TBPL1: variants seen among roughly 807,000 people sequenced by gnomAD.
The protein encoded by TBPL1 is TATA-box binding protein like 1.
In TBPL1, 4 loss-of-function variants were observed where a neutral mutation model predicts 22.1. That is an observed-to-expected ratio of 0.18 (90% confidence interval 0.09 to 0.41). The LOEUF (loss-of-function observed/expected upper bound fraction) is 0.41. Among genes scored for constraint, TBPL1 ranks in the 10% least tolerant of loss-of-function variants. The pLI is 1.00. For missense variants in TBPL1, 115 were observed against 222.3 expected (o/e 0.52, Z 3.07); for synonymous variants, 64 against 71.0 (o/e 0.90, Z 0.50).
intron 1 of TBPL1, among the ~76,000 whole-genome samples, chr6:133,977,098 C>A (rs1377601402): frequency 6.6e-6 from 1 of 152,076 alleles, no homozygotes; most frequent in Non-Finnish European, 1.5e-5. Context: ...ATATCCAGTT[C>A]TGTGCTCTCG....
At chr6:133,980,364 C>T (rs1300900039) in intron 2 of TBPL1, 104 bp downstream of exon 2, 5 of 1,275,652 alleles carry the variant, frequency 3.9e-6, no homozygotes, top group Admixed American at 2.8e-5. Flanking sequence ...GAGCACCTTA[C>T]CATGTGCTGG....
At chr6:133,956,941 A>G (rs1775937660) in intron 1 of TBPL1, among the ~76,000 whole-genome samples, 1 of 152,130 alleles carries the variant, frequency 6.6e-6, no homozygotes, top group Admixed American at 6.5e-5. Context: ...GACAAATTTG[A>G]TTTTTGTATT....
intron 1 of TBPL1, among the ~76,000 whole-genome samples, chr6:133,979,727 A>C (rs1038961091): frequency 1.3e-5 from 2 of 151,720 alleles, no homozygotes; most frequent in Non-Finnish European, 2.9e-5. Flanking sequence ...GCTCACTGCA[A>C]CCTCCGCCTC....
rs1464488061 is a variant in TBPL1 at position 133,987,234 on chromosome 6, CATG to C, written c.*197_*199del. The C allele has an allele frequency of 2.0e-5, 8 of 402,104 alleles. No homozygotes were observed. The highest frequency in any genetic ancestry group is 1.7e-4 in the African/African-American group (8 of 48,262). 24.9% of individuals were successfully genotyped at this position (402,104 alleles called of 1,614,324 possible). A position where few individuals can be genotyped will look rare whatever the true frequency, so the allele number is the denominator to read the frequency against. On this transcript the variant is annotated 3_prime_UTR_variant, in exon 7 of 7. Transcript: ENST00000237264. Reference sequence around the variant, plus strand: ...GTAATATAAAAGGAAGTTTACAAGACATGATATTGCTGCTTTTACAAAAGGACA... The same window carrying C: ...GTAATATAAAAGGAAGTTTACAAGACATATTGCTGCTTTTACAAAAGGACA...
At chr6:133,973,667 T>G (rs1333041288) in intron 1 of TBPL1, among the ~76,000 whole-genome samples, 1 of 152,246 alleles carries the variant, frequency 6.6e-6, no homozygotes, top group African/African-American at 2.4e-5. Context: ...ATACAGATGA[T>G]GTGTTCTTGT....
At chr6:133,970,962 C>T (rs944863232) in intron 1 of TBPL1, among the ~76,000 whole-genome samples, 2 of 152,122 alleles carry the variant, frequency 1.3e-5, no homozygotes, top group African/African-American at 2.4e-5. Flanking sequence ...TCAAAAGCCT[C>T]TCTTCTAGCT....
At chr6:133,974,863 G>A (rs1002207160) in intron 1 of TBPL1, among the ~76,000 whole-genome samples, 9 of 152,042 alleles carry the variant, frequency 5.9e-5, no homozygotes, top group Admixed American at 5.9e-4. Context: ...GCAAAGAACT[G>A]CTAAATAAAT....
chr6:133,953,133 C>G (rs953930617), upstream of TBPL1: 3 of 152,332 alleles, frequency 2.0e-5, no homozygotes, highest in Non-Finnish European at 4.4e-5. Context: ...CACCCAGGAG[C>G]GCCCTGTCCG....
rs59102121 is a variant in TBPL1 at position 133,987,648 on chromosome 6, G to GTATATATATATATA, written c.*614_*627dup. The GTATATATATATATA allele has an allele frequency of 2.6e-4, 23 of 88,394 alleles. No individual in the cohort carries two copies. The highest frequency in any genetic ancestry group is 8.0e-4 in the African/African-American group (22 of 27,576). 5.5% of individuals were successfully genotyped at this position (88,394 alleles called of 1,614,324 possible). ...TTTGTGTGTGTGTGTGTGTGTGTGT[G>GTATATATATATATA]TATATATATATATATATATGCACCA... is the stretch of plus-strand genomic sequence containing the variant. On this transcript the variant is annotated 3_prime_UTR_variant, in exon 7 of 7. Coordinates refer to ENST00000237264, the MANE Select transcript of TBPL1 (RefSeq NM_004865.4).
At chr6:133,967,959 T>G (rs1776149161) in intron 1 of TBPL1, among the ~76,000 whole-genome samples, 2 of 152,062 alleles carry the variant, frequency 1.3e-5, no homozygotes, top group Non-Finnish European at 2.9e-5. Flanking sequence ...TGTGCTTATA[T>G]GAGCACAGGA....
At chr6:133,957,978 T>C (rs372702637) in intron 1 of TBPL1, among the ~76,000 whole-genome samples, 89 of 152,346 alleles carry the variant, frequency 5.8e-4, no homozygotes, top group African/African-American at 2.1e-3. Context: ...TCTTTCTTTC[T>C]TTCTGTTCAC....
At chr6:133,973,020 A>G (rs1238923875) in intron 1 of TBPL1, among the ~76,000 whole-genome samples, 1 of 152,198 alleles carries the variant, frequency 6.6e-6, no homozygotes, top group Non-Finnish European at 1.5e-5. Context: ...ATTTTATACT[A>G]TCAAACAGAT....
chr6:133,963,449 T>C (rs1402659535), intron 1 of TBPL1, among the ~76,000 whole-genome samples: 3 of 152,158 alleles, frequency 2.0e-5, no homozygotes, highest in African/African-American at 7.2e-5. Context: ...GTTTAAGACA[T>C]AGTCTCACTC....
At chr6:133,963,821 G>A (rs1776067691) in intron 1 of TBPL1, among the ~76,000 whole-genome samples, 1 of 151,444 alleles carries the variant, frequency 6.6e-6, no homozygotes, top group Non-Finnish European at 1.5e-5. Flanking sequence ...ACAAGGTCAG[G>A]AGATCGAGAC....
intron 1 of TBPL1, among the ~76,000 whole-genome samples, chr6:133,965,283 G>A (rs140953352): frequency 1.7e-4 from 26 of 152,176 alleles, no homozygotes; most frequent in East Asian, 1.5e-3. Context: ...ATTATAGTCC[G>A]TAATATGGGA....
intron 1 of TBPL1, among the ~76,000 whole-genome samples, chr6:133,956,181 A>G (rs1775923111): frequency 6.6e-6 from 1 of 152,220 alleles, no homozygotes; most frequent in African/African-American, 2.4e-5. Context: ...TGAACGTTGC[A>G]GTTGATTTTT....
intron 1 of TBPL1, among the ~76,000 whole-genome samples, chr6:133,972,589 A>G (rs1246791704): frequency 6.6e-6 from 1 of 152,194 alleles, no homozygotes; most frequent in Admixed American, 6.5e-5. Context: ...ACACACGGGC[A>G]TGGCTGTGTT....
intron 1 of TBPL1, among the ~76,000 whole-genome samples, chr6:133,974,571 C>T (rs1380856424): frequency 6.6e-6 from 1 of 152,252 alleles, no homozygotes; most frequent in African/African-American, 2.4e-5. Context: ...TCGTGATCCA[C>T]TCACCTTGCC....
chr6:133,976,974 AAAAAAAAAG>A (rs957131695), intron 1 of TBPL1, among the ~76,000 whole-genome samples: 5 of 149,404 alleles, frequency 3.3e-5, no homozygotes, highest in Non-Finnish European at 7.4e-5. Context: ...TCTCAAAAAA[AAAAAAAAAG>A]AAAAAAAAGA....
Sources: gnomAD v4.1 joint callset for allele counts (sites outside exome capture counted in the v4.1 genomes callset) on GRCh38, gnomAD v4.1.1 for gene constraint, MANE v1.5 for transcripts, NCBI Gene and HGNC (gene_info 2026-07-23, HGNC 2026-07-21) for gene names.